DSCAML1: variants seen among roughly 807,000 people sequenced by gnomAD.
The protein encoded by DSCAML1 is cell adhesion molecule DSCAML1.
A neutral mutation model predicts 200.5 loss-of-function variants in DSCAML1; 38 were observed. The observed-to-expected ratio is 0.19, with a 90% CI of 0.15 to 0.25. DSCAML1 has a LOEUF of 0.25. Among genes scored for constraint, DSCAML1 ranks in the 10% least tolerant of loss-of-function variants. DSCAML1 has a pLI of 1.00. For missense variants in DSCAML1, 2,223 were observed against 2,858.8 expected (o/e 0.78, Z 5.07); for synonymous variants, 1,215 against 1,165.0 (o/e 1.04, Z -0.87).
At chr11:117,515,022 G>A (rs1160500080) in intron 8 of DSCAML1, among the ~76,000 whole-genome samples, 3 of 152,142 alleles carry the variant, frequency 2.0e-5, no homozygotes, top group Non-Finnish European at 4.4e-5. Flanking sequence ...CACACAGTGC[G>A]CCTGCCGCAG....
rs1180367565 is a variant in DSCAML1 at position 117,505,620 on chromosome 11, C to T, written c.1896G>A (p.Lys632=). 4 of 1,613,976 alleles carry T rather than the reference C, an allele frequency of 2.5e-6. No individual in the cohort carries two copies. Among genetic ancestry groups the T allele is most frequent in the Non-Finnish European group, 2.5e-6 (3 of 1,180,048 alleles). The part of the protein sequence containing the change: ...GDMPIRITWR[K]DGQVIISGSG... ...AGCCTGAGATGATCACCTGTCCGTC[C>T]TTCCTCCAGGTGATACGGATGGGCA... Residue 632 remains lysine (K), a synonymous_variant, in exon 9 of 33, where the codon AAG becomes AAA. Coordinates refer to ENST00000651296, the MANE Select transcript of DSCAML1 (RefSeq NM_020693.4). The surrounding 1 kb of genome is among the most constrained non-coding windows in gnomAD (Gnocchi z 6.7).
chr11:117,482,501 C>T (rs893599880), intron 11 of DSCAML1, among the ~76,000 whole-genome samples: 4 of 152,164 alleles, frequency 2.6e-5, no homozygotes, highest in Non-Finnish European at 5.9e-5. Context: ...AGCAAACCTT[C>T]GATATCGTAT....
intron 3 of DSCAML1, among the ~76,000 whole-genome samples, chr11:117,723,873 G>A (rs550899432): frequency 1.5e-4 from 23 of 152,334 alleles, no homozygotes; most frequent in African/African-American, 3.8e-4. Context: ...GCTCAACCAC[G>A]TCGTCTCCTC....
chr11:117,733,541 T>C (rs1030488210), intron 3 of DSCAML1, among the ~76,000 whole-genome samples: 6 of 152,270 alleles, frequency 3.9e-5, no homozygotes, highest in Middle Eastern at 3.4e-3. Flanking sequence ...AAAGCCACAG[T>C]CACACCCTCC....
At chr11:117,521,710 A>G (rs930278025) in intron 5 of DSCAML1, among the ~76,000 whole-genome samples, 7 of 151,998 alleles carry the variant, frequency 4.6e-5, no homozygotes, top group Non-Finnish European at 1.0e-4. Context: ...CTCACTGAGG[A>G]GGGCGGAGAC....
intron 3 of DSCAML1, among the ~76,000 whole-genome samples, chr11:117,626,208 CCTCCTT>C (rs1379942903): frequency 3.0e-5 from 4 of 134,018 alleles, no homozygotes; most frequent in Non-Finnish European, 3.2e-5. Flanking sequence ...GACCCCCCCC[CCTCCTT>C]CTTCTGGCAT....
In DSCAML1 at chr11:117,594,923, A is replaced by ACC. The variant is rs2096424161; in HGVS notation, c.512-62402_512-62401insGG. On this transcript the variant is annotated intron_variant, in intron 3 of 32. Coordinates refer to ENST00000651296, the MANE Select transcript of DSCAML1 (RefSeq NM_020693.4). The stretch of plus-strand genomic sequence containing the variant: ...TTCTGTGGTGGGATTTTCATTCCTC[A>ACC]TTGTTACCTCTGTCAAGAAGGGACT... 1.1e-4 allele frequency among the ~76,000 whole-genome samples: 16 copies of ACC among 152,104 alleles called. No individual in the cohort carries two copies. In the South Asian group the frequency reaches 2.9e-3, roughly 28 times the overall value.
rs372074371 is a variant in DSCAML1, at chr11:117,470,391, G to C, written c.2954-411C>G. On this transcript the variant is annotated intron_variant, in intron 15 of 32. Transcript: ENST00000651296. Reference sequence around the variant, plus strand: ...GAGATCGAGACCATCCTGGCTAACAGGGTGAAACCCTGTCTCTACTAAAAA... The same window carrying C: ...GAGATCGAGACCATCCTGGCTAACACGGTGAAACCCTGTCTCTACTAAAAA... 2.4e-3 allele frequency among the ~76,000 whole-genome samples: 365 copies of C among 152,144 alleles called. 1 individual carries two copies. The highest frequency in any genetic ancestry group is 0.01 in the Middle Eastern group (3 of 294).
At position 117,539,100 on chromosome 11, in the gene DSCAML1, C is replaced by T. The variant is rs568160059; in HGVS notation, c.512-6578G>A. Among the ~76,000 whole-genome samples the T allele has an allele frequency of 3.3e-5, 5 of 152,272 alleles. No individual in the cohort carries two copies. In the South Asian group the frequency reaches 8.3e-4, roughly 25 times the overall value. ...TCAGTACGTGTTTCCAGAATGAATG[C>T]ACGAAGAAATTTCCCAAAACTCTAC... is the stretch of plus-strand genomic sequence containing the variant. On this transcript the variant is annotated intron_variant, in intron 3 of 32. Transcript: ENST00000651296.
intron 3 of DSCAML1, among the ~76,000 whole-genome samples, chr11:117,761,481 A>G (rs1021289229): frequency 6.6e-6 from 1 of 152,212 alleles, no homozygotes; most frequent in African/African-American, 2.4e-5. Flanking sequence ...CTCTGATACC[A>G]CATGGCTTGG....
intron 3 of DSCAML1, among the ~76,000 whole-genome samples, chr11:117,577,907 A>G (rs1234064161): frequency 6.6e-6 from 1 of 151,532 alleles, no homozygotes; most frequent in Non-Finnish European, 1.5e-5. Context: ...CACCAGAGGC[A>G]TTCACCCAGT....
Position 117,516,878 on chromosome 11 carries a change from G to T in DSCAML1, c.1511-139C>A. 9.6e-7 allele frequency: 1 copy of T among 1,037,946 alleles called. No individual in the cohort carries two copies. Among genetic ancestry groups the T allele is most frequent in the Non-Finnish European group, 1.4e-6 (1 of 733,584 alleles). 64.3% of individuals were successfully genotyped at this position (1,037,946 alleles called of 1,614,324 possible). On this transcript the variant is annotated intron_variant, in intron 7 of 32. Coordinates refer to ENST00000651296, the MANE Select transcript of DSCAML1 (RefSeq NM_020693.4). The surrounding 1 kb of genome is among the most constrained non-coding windows in gnomAD (Gnocchi z 5.7). ...TTTCGGGGGCGGACATTTGGTGGGG[G>T]CACAGGGATGCCTTTTTACAAAGCT...
chr11:117,793,205 C>G, intron 1 of DSCAML1, among the ~76,000 whole-genome samples: 1 of 152,180 alleles, frequency 6.6e-6, no homozygotes, highest in Non-Finnish European at 1.5e-5. Flanking sequence ...ACCCTGCCAT[C>G]GCTGCTGCCT....
At chr11:117,676,764 C>T (rs552779978) in intron 3 of DSCAML1, among the ~76,000 whole-genome samples, 13 of 152,358 alleles carry the variant, frequency 8.5e-5, no homozygotes, top group African/African-American at 1.9e-4. Context: ...CTCTGCTACC[C>T]GATGGGACGG....
At chr11:117,525,211 G>A in intron 4 of DSCAML1, 128 bp from the exon 5 acceptor site, 1 of 1,177,000 alleles carries the variant, frequency 8.5e-7, no homozygotes, top group Non-Finnish European at 1.1e-6. Flanking sequence ...CAGTTTCCAG[G>A]GCGGCTCCAG....
At chr11:117,749,680 A>C (rs909674750) in intron 3 of DSCAML1, among the ~76,000 whole-genome samples, 3 of 152,214 alleles carry the variant, frequency 2.0e-5, no homozygotes, top group African/African-American at 7.2e-5. Flanking sequence ...CTGGCAGGCA[A>C]GGGCAGTGGA....
At chr11:117,676,802 C>T (rs961058287) in intron 3 of DSCAML1, among the ~76,000 whole-genome samples, 1 of 152,220 alleles carries the variant, frequency 6.6e-6, no homozygotes, top group Non-Finnish European at 1.5e-5. Flanking sequence ...TCCCAGAGGG[C>T]CCAGTGTTAT....
intron 3 of DSCAML1, among the ~76,000 whole-genome samples, chr11:117,578,235 C>CCAAAA (rs1263108249): frequency 2.2e-4 from 4 of 18,294 alleles, no homozygotes; most frequent in Admixed American, 5.0e-4. Flanking sequence ...AACTCTGTCT[C>CCAAAA]GAAAAAAAAA....
chr11:117,527,643 G>A (rs1042274317), intron 4 of DSCAML1, among the ~76,000 whole-genome samples: 13 of 152,304 alleles, frequency 8.5e-5, no homozygotes, highest in African/African-American at 2.9e-4. Flanking sequence ...ATGGAGCTAA[G>A]ATCAGAAGCC....
Sources: allele counts gnomAD v4.1 joint callset (sites outside exome capture counted in the v4.1 genomes callset), GRCh38; gene constraint gnomAD v4.1.1; non-coding constraint Gnocchi (gnomAD v3.1); transcripts MANE v1.5; gene names NCBI Gene and HGNC (gene_info 2026-07-23, HGNC 2026-07-21).